Variants in ITPR2 observed in about 807,000 individuals in gnomAD.
ITPR2 encodes the protein inositol 1,4,5-trisphosphate-gated calcium channel ITPR2.
In ITPR2, 207 loss-of-function variants were observed where a neutral mutation model predicts 317.1. The ratio of observed to expected loss-of-function variants is 0.65; its 90% CI spans 0.58 to 0.73. The LOEUF is 0.73. ITPR2 is among the 30% of genes least tolerant of loss of function. ITPR2 has a pLI of 0.00. For synonymous variants in ITPR2, 1,156 were observed against 1,149.1 expected (o/e 1.01, Z -0.12); for missense variants, 2,613 against 3,284.0 (o/e 0.80, Z 4.99).
intron 34 of ITPR2, among the ~76,000 whole-genome samples, chr12:26,566,455 G>GGAGGAGAGGAGAGGAGGAGGAGGGA (rs1944989445): frequency 7.4e-6 from 1 of 135,670 alleles, no homozygotes; most frequent in Non-Finnish European, 1.6e-5. Context: ...AAAGAGGGGA[G>GGAGGAGAGGAGAGGAGGAGGAGGGA]GAGGAGAGGA....
intron 33 of ITPR2, 58 bp from the exon 34 acceptor site, chr12:26,578,891 T>C (rs1467143737): frequency 6.6e-7 from 1 of 1,525,328 alleles, no homozygotes; most frequent in Non-Finnish European, 9.0e-7. Context: ...AGCCCTGATG[T>C]AGCATCTATG....
intron 2 of ITPR2, among the ~76,000 whole-genome samples, chr12:26,769,851 T>A (rs549987145): frequency 3.9e-5 from 6 of 152,186 alleles, no homozygotes; most frequent in African/African-American, 1.4e-4. Context: ...GTATTTTGAC[T>A]GAGCCAAAGT....
chr12:26,585,442 T>C (rs1945501191), intron 32 of ITPR2, among the ~76,000 whole-genome samples: 1 of 152,222 alleles, frequency 6.6e-6, no homozygotes, highest in Admixed American at 6.5e-5. Flanking sequence ...AGTCTCGCTC[T>C]GTCACCCAGG....
intron 30 of ITPR2, among the ~76,000 whole-genome samples, chr12:26,597,652 G>A (rs1945881357): frequency 6.6e-6 from 1 of 152,102 alleles, no homozygotes; most frequent in Non-Finnish European, 1.5e-5. Flanking sequence ...GCAGAGTTAA[G>A]AGAAATAAGT....
intron 43 of ITPR2, among the ~76,000 whole-genome samples, chr12:26,480,803 G>A (rs1374489370): frequency 6.6e-6 from 1 of 152,162 alleles, no homozygotes; most frequent in Admixed American, 6.5e-5. Context: ...TCGTGCCACT[G>A]CACTCCAGCT....
chr12:26,513,217 A>G (rs567617070), intron 37 of ITPR2, among the ~76,000 whole-genome samples: 5 of 152,296 alleles, frequency 3.3e-5, no homozygotes, highest in African/African-American at 1.2e-4. Flanking sequence ...ATTGTGAAAC[A>G]CAGAATGCTG....
At chr12:26,590,642 A>G (rs950078248) in intron 32 of ITPR2, among the ~76,000 whole-genome samples, 1 of 152,200 alleles carries the variant, frequency 6.6e-6, no homozygotes, top group Non-Finnish European at 1.5e-5. Flanking sequence ...AAAGACTTAA[A>G]TCTGAGATCT....
At chr12:26,538,452 A>C (rs1159624387) in intron 37 of ITPR2, among the ~76,000 whole-genome samples, 1 of 152,244 alleles carries the variant, frequency 6.6e-6, no homozygotes, top group African/African-American at 2.4e-5. Context: ...ATTATCATTT[A>C]CTTTCACCAG....
intron 16 of ITPR2, among the ~76,000 whole-genome samples, chr12:26,658,385 C>A (rs1002935204): frequency 6.6e-6 from 1 of 151,974 alleles, no homozygotes; most frequent in African/African-American, 2.4e-5. Context: ...GATATTCCAC[C>A]CACAGCACCG....
At chr12:26,464,753 T>C (rs1263196828) in intron 45 of ITPR2, among the ~76,000 whole-genome samples, 2 of 152,182 alleles carry the variant, frequency 1.3e-5, no homozygotes, top group Non-Finnish European at 2.9e-5. Context: ...CCATGTGAAT[T>C]TGGTGATATA....
intron 48 of ITPR2, among the ~76,000 whole-genome samples, chr12:26,434,680 A>G (rs1941307182): frequency 6.6e-6 from 1 of 152,066 alleles, no homozygotes. Context: ...TTAGCCTTCT[A>G]CTCTAAGATA....
At chr12:26,502,974 G>C (rs1437858419) in intron 37 of ITPR2, among the ~76,000 whole-genome samples, 1 of 152,044 alleles carries the variant, frequency 6.6e-6, no homozygotes, top group Non-Finnish European at 1.5e-5. Flanking sequence ...ATACATACGG[G>C]GACATATCAC....
chr12:26,555,257 C>G (rs1196414911), intron 36 of ITPR2, among the ~76,000 whole-genome samples: 1 of 152,210 alleles, frequency 6.6e-6, no homozygotes, highest in Non-Finnish European at 1.5e-5. Flanking sequence ...CCTTTAATCT[C>G]TGCCTCGATA....
Position 26,832,611 on chromosome 12 carries a change from C to G in ITPR2, c.92+79G>C. 7 of 1,114,238 alleles carry G rather than the reference C, an allele frequency of 6.3e-6. No individual in the cohort carries two copies. In the South Asian group the frequency reaches 9.8e-5, roughly 16 times the overall value. 69.0% of individuals were successfully genotyped at this position (1,114,238 alleles called of 1,614,324 possible). On this transcript the variant is annotated intron_variant, in intron 1 of 56. Transcript: ENST00000381340. Reference sequence around the variant, plus strand: ...GCCACCACGCGCGGCAGCGGGAGGACCGGGCGGCGGAGGAGGGACAGGGAC... The same window carrying G: ...GCCACCACGCGCGGCAGCGGGAGGAGCGGGCGGCGGAGGAGGGACAGGGAC...
chr12:26,466,222 C>T (rs1942167638), intron 45 of ITPR2, among the ~76,000 whole-genome samples: 1 of 152,178 alleles, frequency 6.6e-6, no homozygotes, highest in Non-Finnish European at 1.5e-5. Flanking sequence ...CAAAAAACAG[C>T]TATGTGCATT....
chr12:26,446,685 G>A (rs1425318997), intron 45 of ITPR2, among the ~76,000 whole-genome samples: 1 of 130,534 alleles, frequency 7.7e-6, no homozygotes, highest in Admixed American at 8.8e-5. Context: ...ACATGATTCT[G>A]CATTTGTCTA....
chr12:26,427,284 C>T (rs1008958680), intron 49 of ITPR2, among the ~76,000 whole-genome samples: 2 of 152,058 alleles, frequency 1.3e-5, no homozygotes, highest in Non-Finnish European at 2.9e-5. Context: ...CCATGCATAA[C>T]GTTGGCTAGT....
At chr12:26,572,374 A>G (rs973201392) in intron 34 of ITPR2, among the ~76,000 whole-genome samples, 3 of 152,178 alleles carry the variant, frequency 2.0e-5, no homozygotes, top group Admixed American at 1.3e-4. Context: ...CAGGAGATTC[A>G]TGGCAATCCA....
intron 45 of ITPR2, among the ~76,000 whole-genome samples, chr12:26,453,406 G>A (rs1941789641): frequency 6.6e-6 from 1 of 152,184 alleles, no homozygotes; most frequent in Non-Finnish European, 1.5e-5. Flanking sequence ...AGTCAAAAGA[G>A]TTAAAACATT....
Sources: allele counts gnomAD v4.1 joint callset (sites outside exome capture counted in the v4.1 genomes callset), GRCh38; gene constraint gnomAD v4.1.1; transcripts MANE v1.5; gene names NCBI Gene and HGNC (gene_info 2026-07-23, HGNC 2026-07-21).